Variants in GSG1L observed in about 807,000 individuals in gnomAD.
The protein encoded by GSG1L is germ cell-specific gene 1-like protein.
In GSG1L, 24 loss-of-function variants were observed where a neutral mutation model predicts 42.1. The observed-to-expected ratio is 0.57, with a 90% confidence interval of 0.41 to 0.80. The LOEUF (loss-of-function observed/expected upper bound fraction) is 0.80, where lower values mean the gene tolerates loss of function less well. Among genes scored for constraint, GSG1L ranks in the 30% least tolerant of loss-of-function variants. The probability of loss-of-function intolerance (pLI) is 0.00; values close to 1 mark genes in which losing one functional copy is unlikely to be tolerated. For synonymous variants in GSG1L, 215 were observed against 203.5 expected, an observed-to-expected ratio of 1.06 and a Z score of -0.48; for missense variants, 445 against 472.2, an observed-to-expected ratio of 0.94 and a Z score of 0.53.
At chr16:27,947,846 G>A (rs532911175) in intron 2 of GSG1L, among the ~76,000 whole-genome samples, 1 of 152,132 alleles carries the variant, frequency 6.6e-6, no homozygotes, top group Admixed American at 6.5e-5. Flanking sequence ...GGAGCAAGTG[G>A]GACCGGCTCT....
At chr16:27,819,542 T>C (rs1449323643) in intron 5 of GSG1L, among the ~76,000 whole-genome samples, 1 of 152,198 alleles carries the variant, frequency 6.6e-6, no homozygotes, top group Non-Finnish European at 1.5e-5. Flanking sequence ...TGAGGCGTGA[T>C]GCTGCCCAGC....
intron 2 of GSG1L, among the ~76,000 whole-genome samples, chr16:27,895,002 C>T (rs1334673948): frequency 3.3e-5 from 5 of 152,052 alleles, no homozygotes; most frequent in African/African-American, 1.2e-4. Context: ...ACATCAGCAG[C>T]CCTGAGTTCA....
chr16:27,938,877 C>G (rs913841855), intron 2 of GSG1L, among the ~76,000 whole-genome samples: 1 of 152,148 alleles, frequency 6.6e-6, no homozygotes, highest in Non-Finnish European at 1.5e-5. Context: ...AAGGCAGAGC[C>G]AAAGTCCAAA....
At chr16:27,929,761 T>C (rs987607841) in intron 2 of GSG1L, among the ~76,000 whole-genome samples, 4 of 152,132 alleles carry the variant, frequency 2.6e-5, no homozygotes, top group African/African-American at 9.7e-5. Flanking sequence ...CATGGTGAGA[T>C]TGATGAGGTG....
At chr16:28,002,068 C>T (rs553049887) in intron 1 of GSG1L, among the ~76,000 whole-genome samples, 2 of 152,292 alleles carry the variant, frequency 1.3e-5, no homozygotes, top group African/African-American at 2.4e-5. Context: ...ACCTACTACG[C>T]GCCAGGCTGT....
At chr16:27,924,236 G>A (rs2084565402) in intron 2 of GSG1L, among the ~76,000 whole-genome samples, 1 of 151,304 alleles carries the variant, frequency 6.6e-6, no homozygotes, top group Non-Finnish European at 1.5e-5. Flanking sequence ...TAGATATACT[G>A]TAATACCATT....
chr16:28,017,534 C>T (rs765892823), intron 1 of GSG1L, among the ~76,000 whole-genome samples: 6 of 152,192 alleles, frequency 3.9e-5, no homozygotes, highest in African/African-American at 9.6e-5. Flanking sequence ...TTAGAGCAGA[C>T]GGGTTGGTGA....
intron 2 of GSG1L, among the ~76,000 whole-genome samples, chr16:27,955,882 GAGGA>G (rs759855179): frequency 0.042 from 4,635 of 111,040 alleles, 98 homozygotes; most frequent in Middle Eastern, 0.066. Context: ...CATAAGAGAA[GAGGA>G]AGGAAGGAAG....
At chr16:28,056,327 T>C (rs932967858) in intron 1 of GSG1L, among the ~76,000 whole-genome samples, 6 of 151,992 alleles carry the variant, frequency 3.9e-5, no homozygotes, top group Non-Finnish European at 7.4e-5. Context: ...TGTAGGGACA[T>C]GGATGAAGCT....
In GSG1L at chr16:27,979,814, AAAAG is replaced by A. The variant is rs201697213; in HGVS notation, c.350-16615_350-16612del. On this transcript the variant is annotated intron_variant, in intron 1 of 6. Coordinates refer to ENST00000447459, the MANE Select transcript of GSG1L (RefSeq NM_001109763.2). ...AAAGAAAGGAAAGAAAGAAAGAAAG[AAAAG>A]AAAGAAAGAGAGAGAGAGAGAGAAA... Among the ~76,000 whole-genome samples, 858 of 116,248 alleles carry A rather than the reference AAAAG, an allele frequency of 7.4e-3. 15 individuals are homozygous for A. Among genetic ancestry groups the A allele is most frequent in the African/African-American group, 0.026 (780 of 30,324 alleles). 76.3% of individuals were successfully genotyped at this position (116,248 alleles called of 152,430 possible). A position where few individuals can be genotyped will look rare whatever the true frequency, so the allele number is the denominator to read the frequency against.
chr16:27,875,923 G>C (rs2083881976), intron 3 of GSG1L, among the ~76,000 whole-genome samples: 1 of 152,166 alleles, frequency 6.6e-6, no homozygotes, highest in African/African-American at 2.4e-5. Flanking sequence ...AGAGTTTAGA[G>C]ATATAGATTC....
At chr16:27,937,521 C>A (rs552127458) in intron 2 of GSG1L, among the ~76,000 whole-genome samples, 1 of 152,338 alleles carries the variant, frequency 6.6e-6, no homozygotes, top group South Asian at 2.1e-4. Context: ...GGACTATAGG[C>A]ATGAGCCACC....
At chr16:28,055,674 T>C (rs1346158813) in intron 1 of GSG1L, among the ~76,000 whole-genome samples, 2 of 151,950 alleles carry the variant, frequency 1.3e-5, no homozygotes, top group Admixed American at 1.3e-4. Context: ...TTCGCCATGT[T>C]GGCCAGGCTG....
chr16:28,009,367 GC>G (rs1202011533), intron 1 of GSG1L, among the ~76,000 whole-genome samples: 3 of 150,852 alleles, frequency 2.0e-5, no homozygotes, highest in South Asian at 2.1e-4. Flanking sequence ...TAGCACCCCT[GC>G]CCCCCCTGCA....
intron 1 of GSG1L, 80 bp from the exon 2 acceptor site, chr16:27,963,283 C>A (rs1399584015): frequency 8.9e-6 from 11 of 1,231,526 alleles, no homozygotes; most frequent in Non-Finnish European, 1.3e-5. Context: ...ATCCCATGAG[C>A]CCTGGAGCAA....
chr16:27,890,072 G>A (rs979528711), intron 2 of GSG1L, among the ~76,000 whole-genome samples: 1 of 152,152 alleles, frequency 6.6e-6, no homozygotes, highest in African/African-American at 2.4e-5. Context: ...AGGACAGAGT[G>A]GCCACTTGGA....
intron 3 of GSG1L, among the ~76,000 whole-genome samples, chr16:27,874,078 C>T (rs940443514): frequency 3.3e-5 from 5 of 152,200 alleles, no homozygotes; most frequent in African/African-American, 1.2e-4. Flanking sequence ...CCTGTCTCCC[C>T]ACCCAGGACC....
intron 4 of GSG1L, among the ~76,000 whole-genome samples, chr16:27,842,540 C>T (rs1226141705): frequency 6.6e-6 from 1 of 152,164 alleles, no homozygotes; most frequent in South Asian, 2.1e-4. Context: ...TTCCTCTGTG[C>T]CCTTCTCTAG....
chr16:27,939,828 AT>A (rs917614393), intron 2 of GSG1L, among the ~76,000 whole-genome samples: 5 of 151,904 alleles, frequency 3.3e-5, no homozygotes, highest in African/African-American at 7.3e-5. Flanking sequence ...TGCCAGGCTA[AT>A]TTTTTTTATT....
Sources: gnomAD v4.1 joint callset for allele counts (sites outside exome capture counted in the v4.1 genomes callset) on GRCh38, gnomAD v4.1.1 for gene constraint, MANE v1.5 for transcripts, NCBI Gene and HGNC (gene_info 2026-07-23, HGNC 2026-07-21) for gene names.